Variants in CDKAL1 observed in about 807,000 individuals in gnomAD.
The protein encoded by CDKAL1 is CDKAL1 threonylcarbamoyladenosine tRNA methylthiotransferase.
A neutral mutation model predicts 68.2 loss-of-function variants in CDKAL1; 32 were observed. That is an observed-to-expected ratio of 0.47 (90% CI 0.35 to 0.63). The LOEUF (loss-of-function observed/expected upper bound fraction) is 0.63, where lower values mean the gene tolerates loss of function less well. Among genes scored for constraint, CDKAL1 ranks in the 30% least tolerant of loss-of-function variants. The pLI, the probability that CDKAL1 is intolerant of heterozygous loss-of-function variation, is 0.00. For synonymous variants in CDKAL1, 234 were observed against 244.3 expected (o/e 0.96, Z 0.39); for missense variants, 606 against 696.7 (o/e 0.87, Z 1.47).
At chr6:20,614,649 C>CT (rs532979617) in intron 4 of CDKAL1, among the ~76,000 whole-genome samples, 1 of 152,140 alleles carries the variant, frequency 6.6e-6, no homozygotes, top group Non-Finnish European at 1.5e-5. Context: ...TAAGATTTAT[C>CT]TTTTTTTCCT....
At chr6:21,004,443 G>A (rs1414235154) in intron 11 of CDKAL1, among the ~76,000 whole-genome samples, 1 of 152,194 alleles carries the variant, frequency 6.6e-6, no homozygotes, top group Non-Finnish European at 1.5e-5. Flanking sequence ...TTGCAAAGAA[G>A]AGCGTCTAAA....
chr6:21,176,615 A>C (rs907685503), intron 13 of CDKAL1, among the ~76,000 whole-genome samples: 3 of 152,082 alleles, frequency 2.0e-5, no homozygotes, highest in Non-Finnish European at 1.5e-5. Context: ...TATAAAGCAC[A>C]AGGCAGCTTA....
intron 9 of CDKAL1, among the ~76,000 whole-genome samples, chr6:20,872,718 A>AG (rs55693620): frequency 1 from 151,694 of 152,286 alleles, 75,555 homozygotes; most frequent in Middle Eastern, 1. Context: ...AAGATAATTC[A>AG]GTTGTAATAT....
intron 11 of CDKAL1, among the ~76,000 whole-genome samples, chr6:21,005,491 C>T (rs1767676703): frequency 6.6e-6 from 1 of 152,110 alleles, no homozygotes; most frequent in Non-Finnish European, 1.5e-5. Flanking sequence ...TGTTAGAAGT[C>T]CAGTAGCTTT....
chr6:20,702,204 G>A (rs978831118), intron 5 of CDKAL1, among the ~76,000 whole-genome samples: 10 of 152,142 alleles, frequency 6.6e-5, no homozygotes, highest in Non-Finnish European at 1.2e-4. Flanking sequence ...CCCACTGCTC[G>A]AACCTCTAGG....
intron 4 of CDKAL1, among the ~76,000 whole-genome samples, chr6:20,598,992 T>C (rs1765963354): frequency 6.6e-6 from 1 of 152,066 alleles, no homozygotes; most frequent in Non-Finnish European, 1.5e-5. Context: ...GCTACTGTGG[T>C]GTATTGTTAT....
At chr6:21,093,932 A>G (rs1249731541) in intron 12 of CDKAL1, among the ~76,000 whole-genome samples, 3 of 132,934 alleles carry the variant, frequency 2.3e-5, no homozygotes, top group Non-Finnish European at 4.6e-5. Flanking sequence ...GGGTCTTACT[A>G]TCTTGTCCAG....
At chr6:20,579,411 C>T (rs1765051008) in intron 4 of CDKAL1, among the ~76,000 whole-genome samples, 1 of 152,078 alleles carries the variant, frequency 6.6e-6, no homozygotes, top group African/African-American at 2.4e-5. Context: ...AATCAGTGCC[C>T]TTATTTTTGT....
At chr6:21,044,336 A>G (rs878932669) in intron 11 of CDKAL1, among the ~76,000 whole-genome samples, 1 of 152,112 alleles carries the variant, frequency 6.6e-6, no homozygotes, top group South Asian at 2.1e-4. Context: ...CTTGCCTCTT[A>G]CTTGTAAGTA....
chr6:21,000,538 T>TC (rs1450495221), intron 11 of CDKAL1, among the ~76,000 whole-genome samples, 166 bp downstream of exon 11: 2 of 152,166 alleles, frequency 1.3e-5, no homozygotes, highest in Admixed American at 6.5e-5. Context: ...ATGTGGTTTT[T>TC]TCTTTCTCCT....
intron 14 of CDKAL1, among the ~76,000 whole-genome samples, chr6:21,198,936 A>T (rs1403246010): frequency 6.6e-6 from 1 of 152,172 alleles, no homozygotes; most frequent in Non-Finnish European, 1.5e-5. Context: ...GAGATGGGAT[A>T]CGCCCTCCTC....
intron 9 of CDKAL1, among the ~76,000 whole-genome samples, chr6:20,925,960 A>G (rs1763166325): frequency 1.3e-5 from 2 of 152,152 alleles, no homozygotes; most frequent in South Asian, 4.1e-4. Context: ...TTTCTATAAG[A>G]TTTTTAGAAA....
intron 12 of CDKAL1, among the ~76,000 whole-genome samples, chr6:21,093,694 CTTTTTTT>C (rs547923386): frequency 4.1e-4 from 36 of 88,050 alleles, no homozygotes; most frequent in Non-Finnish European, 5.1e-4. Context: ...GCTGCTGCTG[CTTTTTTT>C]TTTTTTTTTT....
chr6:20,942,726 G>T (rs1250661544), intron 9 of CDKAL1, among the ~76,000 whole-genome samples: 2 of 149,226 alleles, frequency 1.3e-5, no homozygotes, highest in African/African-American at 4.9e-5. Context: ...GGAGGCCAAG[G>T]CAGGCAGATC....
intron 8 of CDKAL1, among the ~76,000 whole-genome samples, chr6:20,798,342 T>G (rs1250623550): frequency 6.6e-6 from 1 of 152,092 alleles, no homozygotes; most frequent in East Asian, 1.9e-4. Flanking sequence ...CTGTACACCT[T>G]CCAGAAAATG....
intron 5 of CDKAL1, among the ~76,000 whole-genome samples, chr6:20,720,373 C>A (rs1402744509): frequency 5.9e-5 from 9 of 151,994 alleles, no homozygotes; most frequent in Admixed American, 5.9e-4. Context: ...GTCCACCACC[C>A]ACGTACAGCA....
intron 5 of CDKAL1, among the ~76,000 whole-genome samples, chr6:20,731,930 C>T (rs1772949761): frequency 6.6e-6 from 1 of 152,134 alleles, no homozygotes; most frequent in Admixed American, 6.5e-5. Context: ...AGATCTCTCC[C>T]CTTACCTTGC....
intron 9 of CDKAL1, among the ~76,000 whole-genome samples, chr6:20,870,565 T>C (rs1191098943): frequency 6.6e-6 from 1 of 152,196 alleles, no homozygotes; most frequent in Admixed American, 6.5e-5. Context: ...GACGTTTACT[T>C]GTTTGTTTTC....
intron 10 of CDKAL1, among the ~76,000 whole-genome samples, chr6:20,976,023 C>T (rs1202256441): frequency 6.6e-6 from 1 of 152,090 alleles, no homozygotes; most frequent in African/African-American, 2.4e-5. Context: ...CACATTATTC[C>T]ACCTATTTAC....
Sources: gnomAD v4.1 joint callset for allele counts (sites outside exome capture counted in the v4.1 genomes callset) on GRCh38, gnomAD v4.1.1 for gene constraint, MANE v1.5 for transcripts, NCBI Gene and HGNC (gene_info 2026-07-23, HGNC 2026-07-21) for gene names.